The following AGPAT4 variants were observed in gnomAD, a reference collection of about 807,000 sequenced individuals.
The protein encoded by AGPAT4 is 1-acyl-sn-glycerol-3-phosphate acyltransferase delta.
AGPAT4 carries 15 observed loss-of-function variants against 48.0 expected under a neutral mutation model. That is an observed-to-expected ratio of 0.31 (90% CI 0.21 to 0.48). The LOEUF (loss-of-function observed/expected upper bound fraction) is 0.48, where lower values mean the gene tolerates loss of function less well. Ranked by LOEUF, AGPAT4 falls within the 20% of genes least tolerant of loss-of-function variation. AGPAT4 has a pLI of 0.99. For synonymous variants in AGPAT4, 178 were observed against 198.7 expected, an observed-to-expected ratio of 0.90 and a Z score of 0.88; for missense variants, 314 against 482.5, an observed-to-expected ratio of 0.65 and a Z score of 3.27.
At chr6:161,228,924 C>T (rs1203026570) in intron 2 of AGPAT4, among the ~76,000 whole-genome samples, 2 of 151,864 alleles carry the variant, frequency 1.3e-5, no homozygotes, top group East Asian at 3.9e-4. Context: ...GATTACATTA[C>T]TTTCAAGTTG....
intron 2 of AGPAT4, among the ~76,000 whole-genome samples, chr6:161,190,127 G>A (rs1583315920): frequency 1.3e-5 from 2 of 152,314 alleles, no homozygotes; most frequent in African/African-American, 4.8e-5. Flanking sequence ...CCAGGGTCAG[G>A]GGAAGGGAGG....
At chr6:161,168,949 T>C (rs1780189845) in intron 2 of AGPAT4, among the ~76,000 whole-genome samples, 1 of 152,168 alleles carries the variant, frequency 6.6e-6, no homozygotes, top group Non-Finnish European at 1.5e-5. Flanking sequence ...GCTGTGGATA[T>C]TAAATAAGAG....
In AGPAT4 at chr6:161,236,740, C is replaced by CAA. The variant is rs11462184; in HGVS notation, c.-89-4440_-89-4439dup. On this transcript the variant is annotated intron_variant, in intron 1 of 8. Coordinates refer to ENST00000320285, the MANE Select transcript of AGPAT4 (RefSeq NM_020133.3). This position sits in a 1 kb window ranked among gnomAD's most constrained non-coding sequence, Gnocchi z 5.0. ...TGAAACCCCATCTCCACTAAAAATA[C>CAA]AAAAAAAAAAAAATAGCTGGATGTG... Among the ~76,000 whole-genome samples the CAA allele has an allele frequency of 1.3e-3, 178 of 140,384 alleles. 1 individual carries two copies. Among genetic ancestry groups the CAA allele is most frequent in the African/African-American group, 2.9e-3 (109 of 37,918 alleles). 92.1% of individuals were successfully genotyped at this position (140,384 alleles called of 152,430 possible). A position where few individuals can be genotyped will look rare whatever the true frequency, so the allele number is the denominator to read the frequency against.
chr6:161,130,738 T>C lies in AGPAT4; in HGVS notation c.*5802A>G. ...TTGCCTCAGATGCGAGTAAGGAAGCTCCAGTTGTAGCCTTGGCACAGCTGA... is the reference window on the plus strand; with the variant it reads ...TTGCCTCAGATGCGAGTAAGGAAGCCCCAGTTGTAGCCTTGGCACAGCTGA... On this transcript the variant is annotated 3_prime_UTR_variant, in exon 9 of 9. Coordinates refer to ENST00000320285, the MANE Select transcript of AGPAT4 (RefSeq NM_020133.3). 2.3e-6 allele frequency: 1 copy of C among 436,346 alleles called. No homozygotes were observed. Among genetic ancestry groups the C allele is most frequent in the Admixed American group, 2.3e-5 (1 of 42,764 alleles). 27.0% of individuals were successfully genotyped at this position (436,346 alleles called of 1,614,324 possible). A position where few individuals can be genotyped will look rare whatever the true frequency, so the allele number is the denominator to read the frequency against.
intron 7 of AGPAT4, among the ~76,000 whole-genome samples, chr6:161,145,954 T>G (rs999147756): frequency 1.3e-5 from 2 of 151,680 alleles, no homozygotes; most frequent in African/African-American, 4.9e-5. Flanking sequence ...CTCCCTTCCT[T>G]GCATATGCCT....
chr6:161,151,405 T>C (rs2114963691), intron 5 of AGPAT4, among the ~76,000 whole-genome samples: 1 of 152,316 alleles, frequency 6.6e-6, no homozygotes, highest in East Asian at 1.9e-4. Context: ...AGCATAGAGC[T>C]GGACGGCCTT....
chr6:161,146,545 C>T lies in AGPAT4; in HGVS notation c.822G>A (p.Leu274=). 1 of 1,614,030 alleles carries T rather than the reference C, an allele frequency of 6.2e-7. No individual in the cohort carries two copies. Among genetic ancestry groups the T allele is most frequent in the Middle Eastern group, 1.6e-4 (1 of 6,062 alleles). The change falls in exon 7 of 9, where the codon CTG becomes CTA. Residue 274 remains leucine, a synonymous_variant. Transcript: ENST00000320285. The surrounding 1 kb of genome is among the most constrained non-coding windows in gnomAD (Gnocchi z 7.1). ...TGACCTTCTCCTGGTAGAGCTTGTG[C>T]AGCCAGGCCGAGCACTCGTCATCGT... ...PEDDDECSAW[L]HKLYQEKDAF... is the part of the protein sequence containing the mutation.
intron 1 of AGPAT4, among the ~76,000 whole-genome samples, chr6:161,237,603 A>C (rs1356049493): frequency 5.3e-5 from 8 of 152,242 alleles, no homozygotes. Context: ...TTCACAAAGA[A>C]GTATAATTCT....
chr6:161,154,422 T>G lies in AGPAT4; in HGVS notation c.349-112A>C. Reference sequence around the variant, plus strand: ...GGAGGGGACGTTCACACCAGACGCCTCGGGACAGTCCCAGAACACATGCTG... The same window carrying G: ...GGAGGGGACGTTCACACCAGACGCCGCGGGACAGTCCCAGAACACATGCTG... On this transcript the variant is annotated intron_variant, in intron 3 of 8. Coordinates refer to ENST00000320285, the MANE Select transcript of AGPAT4 (RefSeq NM_020133.3). The surrounding 1 kb of genome is among the most constrained non-coding windows in gnomAD (Gnocchi z 7.8). 3 of 1,236,970 alleles carry G rather than the reference T, an allele frequency of 2.4e-6. No individual in the cohort carries two copies. Among genetic ancestry groups the G allele is most frequent in the Non-Finnish European group, 3.4e-6 (3 of 889,416 alleles). The allele number at this position is 1,236,970 out of a possible 1,614,324, so 76.6% of individuals were successfully genotyped here.
chr6:161,166,194 T>C lies in AGPAT4; in HGVS notation c.348+54A>G. On this transcript the variant is annotated intron_variant, in intron 3 of 8. Transcript: ENST00000320285. This position sits in a 1 kb window ranked among gnomAD's most constrained non-coding sequence, Gnocchi z 6.7. ...TGACCAGGAGCAAAAAGACAAGTGGTGGGGCTGAACCAGAGAAATGTGTGA... is the reference window on the plus strand; with the variant it reads ...TGACCAGGAGCAAAAAGACAAGTGGCGGGGCTGAACCAGAGAAATGTGTGA... The C allele has an allele frequency of 1.3e-6, 2 of 1,586,574 alleles. No individual in the cohort carries two copies. Among genetic ancestry groups the C allele is most frequent in the Non-Finnish European group, 1.7e-6 (2 of 1,163,180 alleles).
Position 161,166,150 on chromosome 6 carries a change from T to C in AGPAT4, c.348+98A>G. ...TTTCATCAAGTAGAAACTCTGTTGATTCTTCTGCAAGTTCTGAATGACCAG... is the reference window on the plus strand; with the variant it reads ...TTTCATCAAGTAGAAACTCTGTTGACTCTTCTGCAAGTTCTGAATGACCAG... On this transcript the variant is annotated intron_variant, in intron 3 of 8. Coordinates refer to ENST00000320285, the MANE Select transcript of AGPAT4 (RefSeq NM_020133.3). This position sits in a 1 kb window ranked among gnomAD's most constrained non-coding sequence, Gnocchi z 6.7. The C allele has an allele frequency of 6.8e-7, 1 of 1,472,846 alleles. No homozygotes were observed. Among genetic ancestry groups the C allele is most frequent in the African/African-American group, 1.4e-5 (1 of 71,396 alleles). 91.2% of individuals were successfully genotyped at this position (1,472,846 alleles called of 1,614,324 possible).
chr6:161,184,375 TG>T lies in AGPAT4; in HGVS notation c.179-17959del, dbSNP rs1392694028. On this transcript the variant is annotated intron_variant, in intron 2 of 8. Coordinates refer to ENST00000320285, the MANE Select transcript of AGPAT4 (RefSeq NM_020133.3). The surrounding 1 kb of genome is among the most constrained non-coding windows in gnomAD (Gnocchi z 4.8). Reference sequence around the variant, plus strand: ...AGGAGTGAAGCTAAGGTTTTTGTCCTGAATAGCTGGGGAAGGACTTGCTGTT... The same window carrying T: ...AGGAGTGAAGCTAAGGTTTTTGTCCTAATAGCTGGGGAAGGACTTGCTGTT... Among the ~76,000 whole-genome samples the T allele has an allele frequency of 6.6e-6, 1 of 152,012 alleles. No individual in the cohort carries two copies. Among genetic ancestry groups the T allele is most frequent in the East Asian group, 1.9e-4 (1 of 5,172 alleles).
rs2114990039 is a variant in AGPAT4, at chr6:161,178,157, A to C, written c.179-11740T>G. On this transcript the variant is annotated intron_variant, in intron 2 of 8. Transcript: ENST00000320285. This position sits in a 1 kb window ranked among gnomAD's most constrained non-coding sequence, Gnocchi z 5.1. ...CAGATCTCAAATTCTGTGCTGGGAG[A>C]ACCACTACTCTCTTCAAAGCTGTCA... is the stretch of plus-strand genomic sequence containing the variant. Among the ~76,000 whole-genome samples the C allele has an allele frequency of 6.6e-6, 1 of 152,216 alleles. No homozygotes were observed. Among genetic ancestry groups the C allele is most frequent in the Non-Finnish European group, 1.5e-5 (1 of 67,998 alleles).
At chr6:161,273,797 C>T (rs1464068143) in intron 1 of AGPAT4, 141 bp downstream of exon 1, 7 of 149,246 alleles carry the variant, frequency 4.7e-5, no homozygotes, top group African/African-American at 7.5e-5. Flanking sequence ...CTTGCACTCC[C>T]CCCCCGCCCC....
chr6:161,172,317 C>A (rs974003421), intron 2 of AGPAT4, among the ~76,000 whole-genome samples: 1 of 152,180 alleles, frequency 6.6e-6, no homozygotes, highest in Admixed American at 6.6e-5. Context: ...GAGTGAATAC[C>A]CCAGCCACAG....
At position 161,248,719 on chromosome 6, in the gene AGPAT4, CA is replaced by C. The variant is rs200081875; in HGVS notation, c.-89-16418del. Among the ~76,000 whole-genome samples, 672 of 152,096 alleles carry C rather than the reference CA, an allele frequency of 4.4e-3. 10 individuals carry two copies. Among genetic ancestry groups the C allele is most frequent in the East Asian group, 0.033 (171 of 5,176 alleles). On this transcript the variant is annotated intron_variant, in intron 1 of 8. Coordinates refer to ENST00000320285, the MANE Select transcript of AGPAT4 (RefSeq NM_020133.3). ...TTCCATACTCGTGGATAGGAAGAAT[CA>C]ATATCGTTAAAGTGTGCATACTGCC...
chr6:161,174,796 C>A (rs540001785), intron 2 of AGPAT4, among the ~76,000 whole-genome samples: 4 of 152,266 alleles, frequency 2.6e-5, no homozygotes, highest in African/African-American at 9.6e-5. Context: ...CCATAAATAG[C>A]TCTTATGATT....
chr6:161,136,378 C>A lies in AGPAT4; in HGVS notation c.*162G>T. 1.6e-6 allele frequency: 1 copy of A among 618,112 alleles called. No individual in the cohort carries two copies. Among genetic ancestry groups the A allele is most frequent in the Non-Finnish European group, 2.9e-6 (1 of 349,018 alleles). 38.3% of individuals were successfully genotyped at this position (618,112 alleles called of 1,614,324 possible). A position where few individuals can be genotyped will look rare whatever the true frequency, so the allele number is the denominator to read the frequency against. ...AAAAAAGATTACAAAACATCTTCCT[C>A]CCCATCCGGCCTTGAGACCAGACTC... On this transcript the variant is annotated 3_prime_UTR_variant, in exon 9 of 9. Transcript: ENST00000320285.
At chr6:161,145,334 CCATA>C (rs1216378163) in intron 7 of AGPAT4, among the ~76,000 whole-genome samples, 2 of 151,612 alleles carry the variant, frequency 1.3e-5, no homozygotes, top group African/African-American at 4.9e-5. Context: ...GTAAATGAGT[CCATA>C]CATACAATTT....
Sources: gnomAD v4.1 joint callset for allele counts (sites outside exome capture counted in the v4.1 genomes callset) on GRCh38, gnomAD v4.1.1 for gene constraint, Gnocchi (gnomAD v3.1) non-coding constraint, MANE v1.5 for transcripts, NCBI Gene and HGNC (gene_info 2026-07-23, HGNC 2026-07-21) for gene names.